RRAGC: variants seen among roughly 807,000 people sequenced by gnomAD.
RRAGC encodes the protein Ras related GTP binding C.
RRAGC carries 8 observed loss-of-function variants against 37.1 expected under a neutral mutation model. That is an observed-to-expected ratio of 0.22 (90% CI 0.13 to 0.39). The LOEUF (loss-of-function observed/expected upper bound fraction) is 0.39, where lower values mean the gene tolerates loss of function less well. Among genes scored for constraint, RRAGC ranks in the 10% least tolerant of loss-of-function variants. The probability of loss-of-function intolerance (pLI) is 1.00; values close to 1 mark genes in which losing one functional copy is unlikely to be tolerated. For synonymous variants in RRAGC, 190 were observed against 181.1 expected, an observed-to-expected ratio of 1.05 and a Z score of -0.39; for missense variants, 342 against 497.6, an observed-to-expected ratio of 0.69 and a Z score of 2.98.
At chr1:38,858,696 C>A (rs1036067954) in intron 1 of RRAGC, among the ~76,000 whole-genome samples, 1 of 152,166 alleles carries the variant, frequency 6.6e-6, no homozygotes, top group Non-Finnish European at 1.5e-5. Context: ...CGAGAGACTC[C>A]GTCTCAAAAA....
At chr1:38,846,663 G>GA (rs1642031182) in intron 5 of RRAGC, 1 of 152,204 alleles carries the variant, frequency 6.6e-6, no homozygotes, top group Non-Finnish European at 1.5e-5. Context: ...TTTAAAAAGA[G>GA]ATACGGACTC....
intron 4 of RRAGC, among the ~76,000 whole-genome samples, chr1:38,852,062 A>G (rs1468890638): frequency 1.3e-5 from 2 of 152,238 alleles, no homozygotes; most frequent in Non-Finnish European, 1.5e-5. Context: ...AAATCAAGCA[A>G]TGCTACATTT....
At chr1:38,857,721 C>T (rs1557589067) in intron 1 of RRAGC, among the ~76,000 whole-genome samples, 2 of 152,172 alleles carry the variant, frequency 1.3e-5, no homozygotes, top group Non-Finnish European at 2.9e-5. Context: ...GCACTTTAGG[C>T]GGCCGAGGCG....
At chr1:38,858,327 T>C (rs1200194560) in intron 1 of RRAGC, among the ~76,000 whole-genome samples, 1 of 152,204 alleles carries the variant, frequency 6.6e-6, no homozygotes, top group Non-Finnish European at 1.5e-5. Context: ...CTGCTGATAC[T>C]AGTTTTATTA....
At chr1:38,843,308 TTC>T (rs1641986503) in intron 6 of RRAGC, among the ~76,000 whole-genome samples, 1 of 151,894 alleles carries the variant, frequency 6.6e-6, no homozygotes, top group Admixed American at 6.6e-5. Context: ...TGGAGTAAGA[TTC>T]TGTCTCTTAA....
In RRAGC at chr1:38,859,731, C is replaced by CGCCGCCACCACCGCCACCGCCCCCGGCA. The variant is rs1382271850; in HGVS notation, c.-113_-86dup. The CGCCGCCACCACCGCCACCGCCCCCGGCA allele has an allele frequency of 7.3e-5, 85 of 1,169,672 alleles. 1 individual carries two copies. The highest frequency in any genetic ancestry group is 2.2e-4 in the Admixed American group (5 of 22,854). 72.5% of individuals were successfully genotyped at this position (1,169,672 alleles called of 1,614,324 possible). ...CGCCTCCCCAGTCCGCCTCCGCCGCCGCCGCCACCACCGCCACCGCCCCCG... is the reference window on the plus strand; with the variant it reads ...CGCCTCCCCAGTCCGCCTCCGCCGCCGCCGCCACCACCGCCACCGCCCCCGGCAGCCGCCACCACCGCCACCGCCCCCG... On this transcript the variant is annotated 5_prime_UTR_variant, in exon 1 of 7. Transcript: ENST00000373001.
chr1:38,859,680 G>GGCCAGGCCAGGCCGA lies in RRAGC; in HGVS notation c.-49_-35dup. 1 of 1,446,654 alleles carries GGCCAGGCCAGGCCGA rather than the reference G, an allele frequency of 6.9e-7. No homozygotes were observed. The highest frequency in any genetic ancestry group is 1.4e-5 in the South Asian group (1 of 72,224). The allele number at this position is 1,446,654 out of a possible 1,614,324, so 89.6% of individuals were successfully genotyped here. A position where few individuals can be genotyped will look rare whatever the true frequency, so the allele number is the denominator to read the frequency against. ...AGCCGCCGCCGCCCGCGCCCTGACA[G>GGCCAGGCCAGGCCGA]GCCAGGCCAGGCCGAGCCAGGCCGC... is the stretch of plus-strand genomic sequence containing the variant. On this transcript the variant is annotated 5_prime_UTR_variant, in exon 1 of 7. Transcript: ENST00000373001.
At chr1:38,857,126 A>G (rs962482468) in intron 1 of RRAGC, 44 bp from the exon 2 acceptor site, 1 of 1,430,348 alleles carries the variant, frequency 7.0e-7, no homozygotes, top group Admixed American at 1.9e-5. Flanking sequence ...TAAACTTCAG[A>G]ATTTAAATTT....
intron 6 of RRAGC, 42 bp from the exon 7 acceptor site, chr1:38,839,746 A>G (rs1641941174): frequency 1.3e-6 from 2 of 1,593,996 alleles, no homozygotes; most frequent in Non-Finnish European, 8.6e-7. Context: ...TGAATTGTCA[A>G]TTGTGAAATT....
At chr1:38,854,450 T>C (rs1366174473) in intron 3 of RRAGC, among the ~76,000 whole-genome samples, 1 of 152,158 alleles carries the variant, frequency 6.6e-6, no homozygotes, top group Non-Finnish European at 1.5e-5. Context: ...GGATGGCATG[T>C]ACCACTAGGG....
At chr1:38,840,385 T>G (rs894923222) in intron 6 of RRAGC, among the ~76,000 whole-genome samples, 1 of 152,144 alleles carries the variant, frequency 6.6e-6, no homozygotes, top group African/African-American at 2.4e-5. Flanking sequence ...TTGATGAAAG[T>G]CAGTAAATAC....
chr1:38,841,664 T>TA (rs1174816515), intron 6 of RRAGC, among the ~76,000 whole-genome samples: 13 of 145,832 alleles, frequency 8.9e-5, no homozygotes, highest in Admixed American at 2.1e-4. Flanking sequence ...ACACCCACTC[T>TA]AAAAAAAAAA....
chr1:38,844,712 T>G (rs886187616), intron 6 of RRAGC, among the ~76,000 whole-genome samples: 11 of 152,286 alleles, frequency 7.2e-5, no homozygotes, highest in African/African-American at 2.2e-4. Flanking sequence ...TGGGAGAATA[T>G]TTTTACAATC....
chr1:38,840,454 T>C (rs1641950246), intron 6 of RRAGC, among the ~76,000 whole-genome samples: 1 of 152,218 alleles, frequency 6.6e-6, no homozygotes, highest in Non-Finnish European at 1.5e-5. Flanking sequence ...ATATGGTCCA[T>C]GACTTCCAGA....
At chr1:38,851,108 T>C (rs923041224) in intron 5 of RRAGC, among the ~76,000 whole-genome samples, 8 of 152,236 alleles carry the variant, frequency 5.3e-5, no homozygotes. Context: ...GGAGCTCAAA[T>C]TTTAGAGATT....
chr1:38,851,592 G>A, intron 5 of RRAGC, 23 bp downstream of exon 5: 1 of 1,468,428 alleles, frequency 6.8e-7, no homozygotes, highest in Non-Finnish European at 9.0e-7. Context: ...CTGAGATATT[G>A]CAGGAATATA....
At chr1:38,851,817 T>A in intron 4 of RRAGC, 60 bp from the exon 5 acceptor site, 1 of 1,467,490 alleles carries the variant, frequency 6.8e-7, no homozygotes, top group South Asian at 1.2e-5. Flanking sequence ...TTACAACTTA[T>A]CGAAGATCTA....
chr1:38,844,077 C>T (rs763625943), intron 6 of RRAGC, among the ~76,000 whole-genome samples: 10 of 152,018 alleles, frequency 6.6e-5, no homozygotes, highest in Non-Finnish European at 1.5e-4. Context: ...ACGAAATCTC[C>T]TCTGTGAACC....
chr1:38,843,645 G>A (rs147571446), intron 6 of RRAGC, among the ~76,000 whole-genome samples: 8,123 of 151,656 alleles, frequency 0.054, 257 homozygotes, highest in Non-Finnish European at 0.064. Flanking sequence ...ATGTGAACCC[G>A]GGAGGCGGAG....
Sources: allele counts gnomAD v4.1 joint callset (sites outside exome capture counted in the v4.1 genomes callset), GRCh38; gene constraint gnomAD v4.1.1; transcripts MANE v1.5; gene names NCBI Gene and HGNC (gene_info 2026-07-23, HGNC 2026-07-21).